Variants in FILIP1 observed in about 807,000 individuals in gnomAD.
The protein encoded by FILIP1 is filamin-A-interacting protein 1.
A neutral mutation model predicts 102.1 loss-of-function variants in FILIP1; 61 were observed. The observed-to-expected ratio is 0.60, with a 90% CI of 0.49 to 0.74. The LOEUF (loss-of-function observed/expected upper bound fraction) is 0.74, where lower values mean the gene tolerates loss of function less well. FILIP1 is among the 30% of genes least tolerant of loss of function. FILIP1 has a pLI of 0.00. For missense variants in FILIP1, 1,314 were observed against 1,441.2 expected, an observed-to-expected ratio of 0.91 and a Z score of 1.43; for synonymous variants, 491 against 526.9, an observed-to-expected ratio of 0.93 and a Z score of 0.93.
intron 1 of FILIP1, among the ~76,000 whole-genome samples, chr6:75,441,637 G>A (rs1257541144): frequency 2.7e-5 from 4 of 148,750 alleles, no homozygotes; most frequent in Non-Finnish European, 4.5e-5. Context: ...CCTCCCGGAC[G>A]GGGCGGCTGG....
Position 75,428,540 on chromosome 6 carries a change from C to T in FILIP1, c.-6-13562G>A, listed in dbSNP as rs1777711254. 1.9e-5 allele frequency: 3 copies of T among 154,312 alleles called. No individual in the cohort carries two copies. The Admixed American group carries it at 2.0e-4, about 10-fold the overall frequency. 9.6% of individuals were successfully genotyped at this position (154,312 alleles called of 1,614,324 possible). A position where few individuals can be genotyped will look rare whatever the true frequency, so the allele number is the denominator to read the frequency against. ...CAAGACCAAACATGGAGAAAAAATG[C>T]TCTAGGACAAAGTAGGACTAAGTCC... On this transcript the variant is annotated intron_variant, in intron 1 of 5. Transcript: ENST00000237172.
intron 2 of FILIP1, among the ~76,000 whole-genome samples, chr6:75,384,277 T>C (rs1417887704): frequency 6.6e-6 from 1 of 152,256 alleles, no homozygotes; most frequent in Non-Finnish European, 1.5e-5. Flanking sequence ...TCCACTGTGA[T>C]TTATGTCTGT....
chr6:75,489,147 T>C (rs1200549372), intron 1 of FILIP1, among the ~76,000 whole-genome samples: 1 of 152,150 alleles, frequency 6.6e-6, no homozygotes, highest in Non-Finnish European at 1.5e-5. Flanking sequence ...ACCCAAGCAC[T>C]GTGTATAAAC....
chr6:75,337,696 A>T (rs1774289723), intron 4 of FILIP1, among the ~76,000 whole-genome samples: 1 of 152,128 alleles, frequency 6.6e-6, no homozygotes, highest in Non-Finnish European at 1.5e-5. Flanking sequence ...CCAGGATTCC[A>T]CCTTGGAAGC....
At chr6:75,318,048 T>C (rs1773502154) in intron 4 of FILIP1, among the ~76,000 whole-genome samples, 1 of 152,152 alleles carries the variant, frequency 6.6e-6, no homozygotes. Flanking sequence ...TTGCAAATGC[T>C]GTGTCCTCTG....
At chr6:75,481,799 T>C (rs1378148983) in intron 1 of FILIP1, among the ~76,000 whole-genome samples, 1 of 152,196 alleles carries the variant, frequency 6.6e-6, no homozygotes, top group Admixed American at 6.5e-5. Flanking sequence ...TCTATAATCA[T>C]GTGCTTTCAC....
chr6:75,491,902 T>C (rs142998881), intron 1 of FILIP1, among the ~76,000 whole-genome samples: 127 of 152,248 alleles, frequency 8.3e-4, no homozygotes, highest in African/African-American at 3.0e-3. Flanking sequence ...CCAAAAGAAA[T>C]TACATGCCTA....
At chr6:75,350,305 T>A (rs1352791926) in intron 4 of FILIP1, among the ~76,000 whole-genome samples, 1 of 152,108 alleles carries the variant, frequency 6.6e-6, no homozygotes, top group Non-Finnish European at 1.5e-5. Context: ...CAAAGGTCTC[T>A]TAGTGAATTC....
intron 2 of FILIP1, among the ~76,000 whole-genome samples, chr6:75,390,687 C>T (rs1776255124): frequency 6.6e-6 from 1 of 152,306 alleles, no homozygotes; most frequent in South Asian, 2.1e-4. Flanking sequence ...AATCACCTTT[C>T]ACCAGGCCCT....
chr6:75,374,598 T>C, intron 2 of FILIP1, among the ~76,000 whole-genome samples: 1 of 152,174 alleles, frequency 6.6e-6, no homozygotes, highest in African/African-American at 2.4e-5. Context: ...CAGGCTGGTC[T>C]CGAACTCCTG....
chr6:75,414,867 C>G lies in FILIP1; in HGVS notation c.106G>C (p.Ala36Pro). 2 of 1,613,868 alleles carry G rather than the reference C, an allele frequency of 1.2e-6. No individual in the cohort carries two copies. Among genetic ancestry groups the G allele is most frequent in the Non-Finnish European group, 1.7e-6 (2 of 1,179,878 alleles). The stretch of plus-strand genomic sequence containing the variant: ...CTATTTGATTTCTTCTTCTTTTTTG[C>G]ATCTTCTGAGAGACTTTTTTCACCA... The part of the protein sequence containing the change: ...NAGEKSLSED[A>P]KKKKKSNRKE... Residue 36 changes from alanine (A) to proline (P), a missense_variant, in exon 2 of 6, where the codon GCA becomes CCA. Ala to Pro is a conservative substitution (Grantham distance 27). Transcript: ENST00000237172.
At chr6:75,418,751 A>T (rs1352864115) in intron 1 of FILIP1, among the ~76,000 whole-genome samples, 1 of 152,230 alleles carries the variant, frequency 6.6e-6, no homozygotes, top group Admixed American at 6.5e-5. Flanking sequence ...TAAACTGAAG[A>T]TTCAAATCAC....
At chr6:75,348,628 T>A (rs549095838) in intron 4 of FILIP1, among the ~76,000 whole-genome samples, 3 of 152,234 alleles carry the variant, frequency 2.0e-5, no homozygotes, top group Non-Finnish European at 2.9e-5. Context: ...ATAATTTATA[T>A]AGTTTTTACA....
chr6:75,429,973 A>T (rs1403096559), intron 1 of FILIP1, among the ~76,000 whole-genome samples: 1 of 152,182 alleles, frequency 6.6e-6, no homozygotes, highest in Non-Finnish European at 1.5e-5. Context: ...ATAGTCTAAG[A>T]GAGTGGTTGA....
intron 2 of FILIP1, among the ~76,000 whole-genome samples, chr6:75,399,896 C>A (rs1170443142): frequency 1.3e-5 from 2 of 152,100 alleles, no homozygotes; most frequent in Non-Finnish European, 2.9e-5. Flanking sequence ...GTATAATGCA[C>A]CATCTATCTC....
At chr6:75,358,935 G>C (rs1775091550) in intron 3 of FILIP1, among the ~76,000 whole-genome samples, 1 of 151,688 alleles carries the variant, frequency 6.6e-6, no homozygotes, top group African/African-American at 2.4e-5. Context: ...TGTCAGCCAG[G>C]ATGGTCTCGA....
chr6:75,348,062 T>TACAC (rs148284986), intron 4 of FILIP1, among the ~76,000 whole-genome samples: 3,394 of 147,356 alleles, frequency 0.023, 79 homozygotes, highest in East Asian at 0.11. Context: ...ACATCAGTTA[T>TACAC]ACACACACAC....
At chr6:75,387,759 C>T (rs181418762) in intron 2 of FILIP1, among the ~76,000 whole-genome samples, 11 of 152,054 alleles carry the variant, frequency 7.2e-5, no homozygotes, top group African/African-American at 2.7e-4. Context: ...TGTTTAAGTT[C>T]CTTGGATAGA....
chr6:75,372,669 GAAAGAAAGAA>G (rs1775574885), intron 2 of FILIP1, among the ~76,000 whole-genome samples: 9 of 57,148 alleles, frequency 1.6e-4, no homozygotes, highest in Admixed American at 7.0e-4. Context: ...AAGAAAGAAA[GAAAGAAAGAA>G]AGAAAGAGAA....
Sources: gnomAD v4.1 joint callset for allele counts (sites outside exome capture counted in the v4.1 genomes callset) on GRCh38, gnomAD v4.1.1 for gene constraint, MANE v1.5 for transcripts, NCBI Gene and HGNC (gene_info 2026-07-23, HGNC 2026-07-21) for gene names.